The following RAB7A variants were observed in gnomAD, a reference collection of about 807,000 sequenced individuals.
RAB7A encodes ras-related protein Rab-7a.
A neutral mutation model predicts 24.5 loss-of-function variants in RAB7A; 2 were observed. The observed-to-expected ratio is 0.08, with a 90% confidence interval of 0.03 to 0.26. RAB7A has a LOEUF of 0.26. RAB7A is among the 10% of genes least tolerant of loss of function. RAB7A has a pLI of 1.00. For synonymous variants in RAB7A, 100 were observed against 95.9 expected (o/e 1.04, Z -0.25); for missense variants, 118 against 255.7 (o/e 0.46, Z 3.67).
intron 1 of RAB7A, among the ~76,000 whole-genome samples, chr3:128,787,398 G>T (rs948766316): frequency 2.0e-5 from 3 of 152,214 alleles, no homozygotes; most frequent in Admixed American, 6.5e-5. Context: ...CAAACTTGGT[G>T]TGTATGCCTG....
At chr3:128,777,603 A>G (rs1046762180) in intron 1 of RAB7A, among the ~76,000 whole-genome samples, 1 of 152,188 alleles carries the variant, frequency 6.6e-6, no homozygotes, top group Non-Finnish European at 1.5e-5. Flanking sequence ...TCACTAGCAG[A>G]TTTTCACACC....
intron 1 of RAB7A, among the ~76,000 whole-genome samples, chr3:128,777,449 A>C (rs1933122714): frequency 6.6e-6 from 1 of 152,032 alleles, no homozygotes; most frequent in Non-Finnish European, 1.5e-5. Context: ...CAGTCCTCGC[A>C]ATGTATTGGG....
At chr3:128,742,824 C>A (rs1348638986) in intron 1 of RAB7A, among the ~76,000 whole-genome samples, 1 of 152,260 alleles carries the variant, frequency 6.6e-6, no homozygotes. Flanking sequence ...CATAAAAGTT[C>A]TTCAAGTCCC....
chr3:128,804,063 G>T (rs560882344), intron 3 of RAB7A, among the ~76,000 whole-genome samples: 1 of 151,980 alleles, frequency 6.6e-6, no homozygotes, highest in African/African-American at 2.4e-5. Flanking sequence ...AAAAAACCCC[G>T]AGAAACTGTT....
At chr3:128,733,482 C>T (rs950345225) in intron 1 of RAB7A, among the ~76,000 whole-genome samples, 5 of 152,110 alleles carry the variant, frequency 3.3e-5, no homozygotes, top group South Asian at 2.1e-4. Context: ...CTAGGGCTGC[C>T]GTAACAAGTA....
At position 128,813,582 on chromosome 3, in the gene RAB7A, C is replaced by A; in HGVS notation, c.*160C>A. 1.5e-6 allele frequency: 1 copy of A among 677,132 alleles called. No individual in the cohort carries two copies. Among genetic ancestry groups the A allele is most frequent in the Non-Finnish European group, 2.7e-6 (1 of 370,528 alleles). 41.9% of individuals were successfully genotyped at this position (677,132 alleles called of 1,614,324 possible). A position where few individuals can be genotyped will look rare whatever the true frequency, so the allele number is the denominator to read the frequency against. ...TCAAACACAGTTACACCCCACATAT[C>A]TCTCACACACACACACACACGCACA... is the stretch of plus-strand genomic sequence containing the variant. On this transcript the variant is annotated 3_prime_UTR_variant, in exon 6 of 6. Coordinates refer to ENST00000265062, the MANE Select transcript of RAB7A (RefSeq NM_004637.6).
At chr3:128,813,075 T>G (rs551731158) in intron 5 of RAB7A, among the ~76,000 whole-genome samples, 29 of 152,356 alleles carry the variant, frequency 1.9e-4, no homozygotes, top group South Asian at 1.0e-3. Context: ...GACTGCTGCT[T>G]CTTCTGGCAA....
chr3:128,738,820 T>A (rs2070520007), intron 1 of RAB7A, among the ~76,000 whole-genome samples: 2 of 152,214 alleles, frequency 1.3e-5, no homozygotes, highest in South Asian at 4.1e-4. Flanking sequence ...TCTGTTGTCA[T>A]ACCTGGTTGG....
intron 1 of RAB7A, chr3:128,764,563 T>C (rs1709269568): frequency 2.9e-6 from 4 of 1,374,980 alleles, no homozygotes; most frequent in Non-Finnish European, 3.1e-6. Context: ...GTTGGTCACG[T>C]GGTCACCCAA....
intron 3 of RAB7A, among the ~76,000 whole-genome samples, chr3:128,800,482 G>A (rs1933675377): frequency 6.6e-6 from 1 of 152,180 alleles, no homozygotes; most frequent in Non-Finnish European, 1.5e-5. Flanking sequence ...TTGGGGCGCT[G>A]CACTCTTGAA....
At chr3:128,749,509 A>G (rs1559782504) in intron 1 of RAB7A, 1 of 152,160 alleles carries the variant, frequency 6.6e-6, no homozygotes, top group Non-Finnish European at 1.5e-5. Flanking sequence ...TCTCCTCACC[A>G]GACAAGGTGA....
At chr3:128,786,061 C>T (rs900670007) in intron 1 of RAB7A, among the ~76,000 whole-genome samples, 1 of 152,280 alleles carries the variant, frequency 6.6e-6, no homozygotes, top group Admixed American at 6.5e-5. Flanking sequence ...CTATTCTTGC[C>T]CCCTCCCCAG....
intron 1 of RAB7A, among the ~76,000 whole-genome samples, chr3:128,748,063 CG>C: frequency 6.6e-6 from 1 of 152,324 alleles, no homozygotes; most frequent in Middle Eastern, 3.4e-3. Flanking sequence ...CCACTGTGCC[CG>C]GCCAGCAAAG....
chr3:128,802,155 T>C (rs528478575), intron 3 of RAB7A, among the ~76,000 whole-genome samples: 1 of 152,270 alleles, frequency 6.6e-6, no homozygotes, highest in African/African-American at 2.4e-5. Context: ...CTTGTATCTA[T>C]TTTTGGAATC....
chr3:128,760,896 TC>T (rs1442826448), intron 1 of RAB7A, among the ~76,000 whole-genome samples: 1 of 152,222 alleles, frequency 6.6e-6, no homozygotes, highest in Non-Finnish European at 1.5e-5. Context: ...AAGTGTTTTA[TC>T]CCTTAAAAAG....
chr3:128,811,848 C>CA (rs879327864), intron 5 of RAB7A, among the ~76,000 whole-genome samples: 2,778 of 107,204 alleles, frequency 0.026, 70 homozygotes, highest in African/African-American at 0.083. Flanking sequence ...GACTCTGCCT[C>CA]AAAAAAAAAA....
At chr3:128,766,917 C>T (rs866152065) in intron 1 of RAB7A, among the ~76,000 whole-genome samples, 2 of 151,948 alleles carry the variant, frequency 1.3e-5, no homozygotes, top group African/African-American at 4.8e-5. Flanking sequence ...TTCCCACCAG[C>T]GGTGTAGAAG....
chr3:128,755,186 GA>G (rs2070719165), intron 1 of RAB7A, among the ~76,000 whole-genome samples: 1 of 152,048 alleles, frequency 6.6e-6, no homozygotes, highest in Non-Finnish European at 1.5e-5. Flanking sequence ...GATGAAGTGA[GA>G]AATCAGTAAC....
intron 1 of RAB7A, among the ~76,000 whole-genome samples, chr3:128,746,751 G>C (rs911875021): frequency 2.6e-5 from 4 of 151,452 alleles, no homozygotes; most frequent in Admixed American, 6.6e-5. Flanking sequence ...GGGTGGTCTC[G>C]ATCTCTTAAC....
Sources: gnomAD v4.1 joint callset for allele counts (sites outside exome capture counted in the v4.1 genomes callset) on GRCh38, gnomAD v4.1.1 for gene constraint, MANE v1.5 for transcripts, NCBI Gene and HGNC (gene_info 2026-07-23, HGNC 2026-07-21) for gene names.